Variants in PPARGC1A observed in about 807,000 individuals in gnomAD.
PPARGC1A encodes the protein peroxisome proliferator-activated receptor gamma coactivator 1-alpha.
PPARGC1A carries 25 observed loss-of-function variants against 88.7 expected under a neutral mutation model. That is an observed-to-expected ratio of 0.28 (90% confidence interval 0.21 to 0.39). The LOEUF (loss-of-function observed/expected upper bound fraction) is 0.39. Ranked by LOEUF, PPARGC1A falls within the 10% of genes least tolerant of loss-of-function variation. PPARGC1A has a pLI of 1.00. For missense variants in PPARGC1A, 880 were observed against 968.7 expected, an observed-to-expected ratio of 0.91 and a Z score of 1.22; for synonymous variants, 363 against 355.6, an observed-to-expected ratio of 1.02 and a Z score of -0.24.
At chr4:23,796,986 G>A (rs1717730139) in intron 12 of PPARGC1A, among the ~76,000 whole-genome samples, 1 of 151,498 alleles carries the variant, frequency 6.6e-6, no homozygotes, top group African/African-American at 2.4e-5. Context: ...TTGCTGACAA[G>A]ATTGCAAACC....
chr4:23,946,331 G>C, the PPARGC1A span, among the ~76,000 whole-genome samples: 1 of 152,136 alleles, frequency 6.6e-6, no homozygotes, highest in Non-Finnish European at 1.5e-5. Flanking sequence ...TTCATAGAGA[G>C]AGAGCCTCAA....
chr4:24,325,527 G>A, the PPARGC1A span, among the ~76,000 whole-genome samples: 1 of 152,100 alleles, frequency 6.6e-6, no homozygotes, highest in African/African-American at 2.4e-5. Flanking sequence ...AATGCCTGCA[G>A]CCCAGGATTC....
chr4:23,843,358 A>G (rs1727408601), intron 2 of PPARGC1A, among the ~76,000 whole-genome samples: 1 of 152,136 alleles, frequency 6.6e-6, no homozygotes, highest in South Asian at 2.1e-4. Context: ...GGTCCTGAGT[A>G]CATCACTTAC....
At chr4:24,251,937 TTGTC>T in the PPARGC1A span, among the ~76,000 whole-genome samples, 39,541 of 151,816 alleles carry the variant, frequency 0.26, 5,469 homozygotes, top group East Asian at 0.43. Context: ...ACTATTACAT[TTGTC>T]TGTCTTTTAT....
chr4:24,218,128 G>A, the PPARGC1A span, among the ~76,000 whole-genome samples: 1 of 152,168 alleles, frequency 6.6e-6, no homozygotes, highest in South Asian at 2.1e-4. Context: ...TGTGTGGATA[G>A]GAAAATGGTG....
the PPARGC1A span, among the ~76,000 whole-genome samples, chr4:24,359,879 A>G: frequency 6.6e-6 from 1 of 152,218 alleles, no homozygotes; most frequent in Non-Finnish European, 1.5e-5. Context: ...TCTAGAACTG[A>G]GACAATACAT....
chr4:24,070,403 G>A, the PPARGC1A span, among the ~76,000 whole-genome samples: 1 of 152,134 alleles, frequency 6.6e-6, no homozygotes, highest in Non-Finnish European at 1.5e-5. Context: ...TGGTTTATAC[G>A]ATGCAGTAAA....
the PPARGC1A span, among the ~76,000 whole-genome samples, chr4:24,222,498 C>T: frequency 6.6e-6 from 1 of 152,148 alleles, no homozygotes; most frequent in African/African-American, 2.4e-5. Flanking sequence ...CAGCAAATGG[C>T]CAATGCCACA....
chr4:23,843,703 C>T (rs1727474120), intron 2 of PPARGC1A, among the ~76,000 whole-genome samples: 1 of 151,976 alleles, frequency 6.6e-6, no homozygotes, highest in South Asian at 2.1e-4. Context: ...ATACATATTA[C>T]TCAAAAATTC....
chr4:23,999,236 T>G, the PPARGC1A span, among the ~76,000 whole-genome samples: 3 of 152,208 alleles, frequency 2.0e-5, no homozygotes. Flanking sequence ...TTGTTGAACA[T>G]ATTTGATATG....
the PPARGC1A span, among the ~76,000 whole-genome samples, chr4:23,942,848 TA>T: frequency 6.6e-6 from 1 of 152,242 alleles, no homozygotes; most frequent in Non-Finnish European, 1.5e-5. Context: ...TGTTGGTCTC[TA>T]AATTTCATGT....
the PPARGC1A span, among the ~76,000 whole-genome samples, chr4:24,156,345 C>T: frequency 2.5e-3 from 379 of 152,114 alleles, 1 homozygote; most frequent in African/African-American, 8.8e-3. Context: ...GCAGACACTC[C>T]CCCACCCTCC....
chr4:24,129,114 G>T, the PPARGC1A span, among the ~76,000 whole-genome samples: 1 of 152,184 alleles, frequency 6.6e-6, no homozygotes, highest in Admixed American at 6.5e-5. Context: ...TGAACTTTCT[G>T]GGTGTTCTTG....
the PPARGC1A span, among the ~76,000 whole-genome samples, chr4:23,982,901 C>G: frequency 1.3e-5 from 2 of 152,078 alleles, no homozygotes; most frequent in Admixed American, 6.6e-5. Flanking sequence ...CAAACTACAG[C>G]CCATGGGCCG....
At chr4:24,245,925 GCACACACACA>G in the PPARGC1A span, among the ~76,000 whole-genome samples, 72 of 148,380 alleles carry the variant, frequency 4.9e-4, no homozygotes, top group South Asian at 6.5e-4. Flanking sequence ...AAAGCCATGT[GCACACACACA>G]CACACACACA....
the PPARGC1A span, among the ~76,000 whole-genome samples, chr4:24,464,598 C>T: frequency 1.3e-5 from 2 of 152,190 alleles, no homozygotes; most frequent in Non-Finnish European, 2.9e-5. Context: ...CAAGAGATTA[C>T]ATGGATGTCT....
At chr4:24,315,860 C>T in the PPARGC1A span, among the ~76,000 whole-genome samples, 6 of 152,258 alleles carry the variant, frequency 3.9e-5, no homozygotes, top group Non-Finnish European at 5.9e-5. Context: ...AGGTCCTTTC[C>T]GGGCATTCAA....
At chr4:24,160,403 C>T in the PPARGC1A span, among the ~76,000 whole-genome samples, 153 of 152,252 alleles carry the variant, frequency 1.0e-3, 2 homozygotes, top group Non-Finnish European at 1.7e-3. Flanking sequence ...GTATTAGCAT[C>T]GTATATTGTA....
At chr4:23,913,263 TATATAGAGAGAG>T in the PPARGC1A span, among the ~76,000 whole-genome samples, 211 of 56,050 alleles carry the variant, frequency 3.8e-3, no homozygotes, top group Non-Finnish European at 4.3e-3. Flanking sequence ...TATATATATA[TATATAGAGAGAG>T]AGAGAGAGAG....
Sources: gnomAD v4.1 joint callset for allele counts (sites outside exome capture counted in the v4.1 genomes callset) on GRCh38, gnomAD v4.1.1 for gene constraint, MANE v1.5 for transcripts, NCBI Gene and HGNC (gene_info 2026-07-23, HGNC 2026-07-21) for gene names.